XKR5: variants seen among roughly 807,000 people sequenced by gnomAD.
XKR5 encodes the protein XK-related protein 5.
Under a neutral mutation model 40.8 loss-of-function variants are expected in XKR5, and 46 were observed. That is an observed-to-expected ratio of 1.13 (90% CI 0.89 to 1.44). The LOEUF (loss-of-function observed/expected upper bound fraction) is 1.44. Ranked by LOEUF, XKR5 falls within the 40% of genes most tolerant of loss-of-function variation. XKR5 has a pLI of 0.00. For missense variants in XKR5, 1,169 were observed against 844.7 expected (o/e 1.38, Z -4.76); for synonymous variants, 466 against 356.1 (o/e 1.31, Z -3.48).
chr8:6,825,187 T>G lies in XKR5; in HGVS notation c.405A>C (p.Ser135=), dbSNP rs376306672. 2.6e-5 allele frequency: 42 copies of G among 1,613,550 alleles called. No homozygotes were observed. The highest frequency in any genetic ancestry group is 2.3e-4 in the African/African-American group (17 of 75,018). ...CACCTGGCACAATATCTGTGAAGTC[T>G]GAGGCTAGAAAAACATATGTCTGAA... The part of the protein sequence containing the change: ...LLLQTYVFLA[S]DFTDIVPGVS... The change falls in exon 3 of 7, where the codon TCA becomes TCC. Residue 135 remains serine, a synonymous_variant. Coordinates refer to ENST00000618742, the MANE Select transcript of XKR5 (RefSeq NM_207411.5).
chr8:6,831,796 A>C (rs542140583), intron 2 of XKR5, among the ~76,000 whole-genome samples: 4 of 152,270 alleles, frequency 2.6e-5, no homozygotes, highest in African/African-American at 9.6e-5. Flanking sequence ...TGGGCGGATC[A>C]CGAGGTCAGG....
intron 2 of XKR5, among the ~76,000 whole-genome samples, chr8:6,828,704 C>G (rs1258160042): frequency 2.6e-5 from 4 of 152,170 alleles, no homozygotes; most frequent in Non-Finnish European, 5.9e-5. Flanking sequence ...GCATGGACCC[C>G]GTCCCTCCCA....
Position 6,825,158 on chromosome 8 carries a change from T to A in XKR5, c.427+7A>T, listed in dbSNP as rs758634130. On this transcript the variant is annotated splice_region_variant and intron_variant, in intron 3 of 6. Coordinates refer to ENST00000618742, the MANE Select transcript of XKR5 (RefSeq NM_207411.5). ...ACAGTCTGTGCTCTGTGGTGACAGT[T>A]ACTCACCTGGCACAATATCTGTGAA... 2.5e-6 allele frequency: 4 copies of A among 1,613,500 alleles called. No individual in the cohort carries two copies. The highest frequency in any genetic ancestry group is 1.1e-5 in the South Asian group (1 of 90,952).
chr8:6,819,845 A>ACCTTCCTTT (rs1440573375), intron 5 of XKR5, among the ~76,000 whole-genome samples: 1 of 142,206 alleles, frequency 7.0e-6, no homozygotes, highest in African/African-American at 2.6e-5. Flanking sequence ...CCTCTTCCCT[A>ACCTTCCTTT]CCTTCCTTTC....
intron 6 of XKR5, among the ~76,000 whole-genome samples, chr8:6,812,921 G>A (rs539780097): frequency 6.6e-6 from 1 of 152,230 alleles, no homozygotes. Flanking sequence ...TAATCACATT[G>A]TTGTCAGTTT....
At position 6,835,326 on chromosome 8, in the gene XKR5, C is replaced by G. The variant is rs969643062; in HGVS notation, c.58+110G>C. ...TGCGTCACCGGCGCGCAGTGCTGGG[C>G]GCAGGCTGGGGCAGTGCCCGCCCGG... On this transcript the variant is annotated intron_variant, in intron 1 of 6. Coordinates refer to ENST00000618742, the MANE Select transcript of XKR5 (RefSeq NM_207411.5). The G allele has an allele frequency of 1.1e-5, 13 of 1,150,228 alleles. No individual in the cohort carries two copies. In the African/African-American group the frequency reaches 1.5e-4, roughly 13 times the overall value. 71.3% of individuals were successfully genotyped at this position (1,150,228 alleles called of 1,614,324 possible).
chr8:6,811,740 G>A lies in XKR5; in HGVS notation c.1519C>T (p.Gln507Ter), dbSNP rs560706715. 7.8e-6 allele frequency: 12 copies of A among 1,537,476 alleles called. No homozygotes were observed. Among genetic ancestry groups the A allele is most frequent in the Non-Finnish European group, 9.6e-6 (11 of 1,147,004 alleles). The stretch of plus-strand genomic sequence containing the variant: ...CCTTCCTTTGGGGTGCCCTCCCCCT[G>A]CGTGGCTGCTGGGTTCTGGGTAGGT... ...EAPTQNPAAT[Q>*]GEGTPKEGAD... Residue 507 changes from glutamine (Q) to a stop codon, truncating the protein, a stop_gained, in exon 7 of 7, where the codon CAG (glutamine) becomes TAG (stop). Transcript: ENST00000618742. LOFTEE classifies it low-confidence loss of function (END_TRUNC).
chr8:6,832,820 A>G lies in XKR5; in HGVS notation c.139T>C (p.Phe47Leu), dbSNP rs1226959033. 1 of 1,612,348 alleles carries G rather than the reference A, an allele frequency of 6.2e-7. No individual in the cohort carries two copies. The highest frequency in any genetic ancestry group is 2.2e-5 in the East Asian group (1 of 44,780). ...WLALAVLLPG[F>L]LVQALSYLWF... ...AGGTAGCTCAGGGCCTGGACCAAGA[A>G]CCCGGGCAGGAGGACAGCAAGGGCC... The change falls in exon 2 of 7, where the codon TTC becomes CTC. Residue 47 changes from phenylalanine to leucine, a missense_variant. Coordinates refer to ENST00000618742, the MANE Select transcript of XKR5 (RefSeq NM_207411.5).
In XKR5 at chr8:6,811,448, G is replaced by A; in HGVS notation, c.1811C>T (p.Thr604Ile). 1 of 1,535,904 alleles carries A rather than the reference G, an allele frequency of 6.5e-7. No individual in the cohort carries two copies. The highest frequency in any genetic ancestry group is 8.7e-7 in the Non-Finnish European group (1 of 1,146,184). The change falls in exon 7 of 7, where the codon ACA (threonine) becomes ATA (isoleucine). Residue 604 changes from threonine to isoleucine, a missense_variant. By Grantham distance (89) the Thr-to-Ile change is moderately conservative. Coordinates refer to ENST00000618742, the MANE Select transcript of XKR5 (RefSeq NM_207411.5). ...TMADISPILGTGPCRGFCPSA... is the reference protein window; with the variant it reads ...TMADISPILGIGPCRGFCPSA... Reference sequence around the variant, plus strand: ...GGGGCAGAAGCCTCTACATGGGCCTGTGCCTAGGATGGGGCTAATGTCGGC... The same window carrying A: ...GGGGCAGAAGCCTCTACATGGGCCTATGCCTAGGATGGGGCTAATGTCGGC...
At chr8:6,822,495 C>G (rs1158884865) in intron 4 of XKR5, among the ~76,000 whole-genome samples, 1 of 143,826 alleles carries the variant, frequency 7.0e-6, no homozygotes, top group Non-Finnish European at 1.6e-5. Context: ...GGATTTCAAG[C>G]TGATTTTTTT....
chr8:6,825,460 C>G, intron 2 of XKR5, 111 bp from the exon 3 acceptor site: 3 of 1,067,112 alleles, frequency 2.8e-6, no homozygotes, highest in Non-Finnish European at 2.6e-6. Context: ...TATGCCCTTA[C>G]TAGTCACCTA....
intron 6 of XKR5, 127 bp downstream of exon 6, chr8:6,815,680 G>A: frequency 3.1e-6 from 2 of 646,098 alleles, no homozygotes; most frequent in Non-Finnish European, 5.4e-6. Flanking sequence ...CCACATCGCA[G>A]TGAGCCTGGT....
rs765351169 is a variant in XKR5, at chr8:6,811,791, A to G, written c.1468T>C (p.Phe490Leu). The G allele has an allele frequency of 4.6e-6, 7 of 1,537,612 alleles. No homozygotes were observed. The highest frequency in any genetic ancestry group is 6.1e-6 in the Non-Finnish European group (7 of 1,147,022). The change falls in exon 7 of 7, where the codon TTT becomes CTT. Residue 490 changes from phenylalanine to leucine, a missense_variant. Physicochemically the swap from Phe to Leu is conservative, Grantham distance 22. Coordinates refer to ENST00000618742, the MANE Select transcript of XKR5 (RefSeq NM_207411.5). ...DPLETSSYVS[F>L]ASDQQDEAPT... is the part of the protein sequence containing the mutation. ...GCTTCATCCTGCTGATCGCTGGCAA[A>G]AGATACGTAACTTGAGGTTTCCAAT...
intron 2 of XKR5, among the ~76,000 whole-genome samples, chr8:6,832,508 A>C (rs1207382986): frequency 1.3e-5 from 2 of 152,202 alleles, no homozygotes; most frequent in African/African-American, 4.8e-5. Context: ...TTCACAGAGA[A>C]AGAGCCCCTG....
chr8:6,808,531 G>A lies in XKR5; in HGVS notation c.*2667C>T, dbSNP rs917648978. On this transcript the variant is annotated 3_prime_UTR_variant, in exon 7 of 7. Coordinates refer to ENST00000618742, the MANE Select transcript of XKR5 (RefSeq NM_207411.5). ...CTCAGCAGGCATTTTTGAATTAAGT[G>A]TCCATTTATTAGTCTTCTCTAATAA... The A allele has an allele frequency of 1.3e-5, 2 of 152,108 alleles. No individual in the cohort carries two copies. Among genetic ancestry groups the A allele is most frequent in the African/African-American group, 4.8e-5 (2 of 41,416 alleles). The allele number at this position is 152,108 out of a possible 1,614,324, so 9.4% of individuals were successfully genotyped here.
intron 5 of XKR5, among the ~76,000 whole-genome samples, chr8:6,818,079 A>G (rs1804043043): frequency 6.6e-6 from 1 of 152,168 alleles, no homozygotes; most frequent in Admixed American, 6.5e-5. Flanking sequence ...GGTTCAGTTC[A>G]TGCAGGGCTC....
At chr8:6,819,754 G>A (rs961854794) in intron 5 of XKR5, among the ~76,000 whole-genome samples, 2 of 152,038 alleles carry the variant, frequency 1.3e-5, no homozygotes, top group South Asian at 2.1e-4. Flanking sequence ...GGTTATCCTC[G>A]GAGTTATGTG....
chr8:6,825,488 G>GT, intron 2 of XKR5, 139 bp from the exon 3 acceptor site: 1 of 694,664 alleles, frequency 1.4e-6, no homozygotes. Context: ...TAGTTAGGCT[G>GT]TTGCCAGCCT....
At chr8:6,830,553 G>C (rs1316193204) in intron 2 of XKR5, among the ~76,000 whole-genome samples, 7 of 152,188 alleles carry the variant, frequency 4.6e-5, no homozygotes, top group African/African-American at 1.4e-4. Flanking sequence ...ACCCGCTTCC[G>C]ATAGCTGTGC....
Sources: allele counts gnomAD v4.1 joint callset (sites outside exome capture counted in the v4.1 genomes callset), GRCh38; gene constraint gnomAD v4.1.1; transcripts MANE v1.5; gene names NCBI Gene and HGNC (gene_info 2026-07-23, HGNC 2026-07-21).